Variants in C9 observed in about 807,000 individuals in gnomAD.
C9 encodes complement C9.
In C9, 63 loss-of-function variants were observed where a neutral mutation model predicts 65.4. That is an observed-to-expected ratio of 0.96 (90% CI 0.79 to 1.19). The LOEUF (loss-of-function observed/expected upper bound fraction) is 1.19, where lower values mean the gene tolerates loss of function less well. C9 is among the 50% of genes most tolerant of loss of function. C9 has a pLI of 0.00. For missense variants in C9, 744 were observed against 670.1 expected, an observed-to-expected ratio of 1.11 and a Z score of -1.22; for synonymous variants, 229 against 227.9, an observed-to-expected ratio of 1.00 and a Z score of -0.04.
chr5:39,351,070 C>CCAACACCA (rs1561354891), intron 1 of C9, among the ~76,000 whole-genome samples: 2 of 152,186 alleles, frequency 1.3e-5, no homozygotes, highest in Non-Finnish European at 2.9e-5. Context: ...TTCTGTGCAC[C>CCAACACCA]TGCAGGCCCA....
chr5:39,315,425 A>G (rs1410554254), intron 6 of C9, among the ~76,000 whole-genome samples: 1 of 152,200 alleles, frequency 6.6e-6, no homozygotes, highest in Non-Finnish European at 1.5e-5. Context: ...TGATCATTCT[A>G]GGTAAGGCAT....
At chr5:39,287,337 C>G (rs556964879) in intron 10 of C9, among the ~76,000 whole-genome samples, 97 of 151,878 alleles carry the variant, frequency 6.4e-4, no homozygotes, top group Middle Eastern at 6.8e-3. Context: ...ACATGTAAGT[C>G]TTTAATCTAT....
At chr5:39,321,035 C>T (rs1176349087) in intron 5 of C9, among the ~76,000 whole-genome samples, 2 of 151,946 alleles carry the variant, frequency 1.3e-5, no homozygotes, top group Non-Finnish European at 2.9e-5. Flanking sequence ...AAAGGGAGTT[C>T]TTCAAGTTGA....
rs953818172 is a variant in C9 at position 39,334,771 on chromosome 5, G to A, written c.477-2957C>T. Among the ~76,000 whole-genome samples, 6 of 152,038 alleles carry A rather than the reference G, an allele frequency of 3.9e-5. No homozygotes were observed. The South Asian group carries it at 1.0e-3, about 26-fold the overall frequency. The stretch of plus-strand genomic sequence containing the variant: ...GCCTCTGCCCGGCCGCCCCTACTGG[G>A]AAGTGAGGAGCCCCTCTGCCCGGCC... On this transcript the variant is annotated intron_variant, in intron 4 of 10. Coordinates refer to ENST00000263408, the MANE Select transcript of C9 (RefSeq NM_001737.5).
chr5:39,293,228 G>A (rs1275291384), intron 9 of C9, among the ~76,000 whole-genome samples: 2 of 151,958 alleles, frequency 1.3e-5, no homozygotes, highest in African/African-American at 4.8e-5. Context: ...AACCTTGAAG[G>A]TAAATACATT....
intron 6 of C9, among the ~76,000 whole-genome samples, chr5:39,315,151 G>A (rs545905140): frequency 6.6e-6 from 1 of 152,224 alleles, no homozygotes; most frequent in East Asian, 1.9e-4. Context: ...GTTAATGTGG[G>A]AGAAGCTTGT....
intron 1 of C9, among the ~76,000 whole-genome samples, chr5:39,348,058 A>T (rs1488740681): frequency 5.9e-5 from 9 of 152,026 alleles, no homozygotes; most frequent in Admixed American, 5.9e-4. Flanking sequence ...ACCTAAAACC[A>T]TAAAAACCTT....
chr5:39,296,093 G>A (rs1009482293), intron 9 of C9, among the ~76,000 whole-genome samples: 11 of 151,506 alleles, frequency 7.3e-5, no homozygotes, highest in Non-Finnish European at 1.3e-4. Context: ...AAAACATAAG[G>A]GAAATGCTTC....
chr5:39,308,389 G>A (rs752521035), intron 7 of C9, 31 bp from the exon 8 acceptor site: 1 of 1,517,148 alleles, frequency 6.6e-7, no homozygotes. Context: ...AAAATTATTA[G>A]ATAATGTCTA....
At chr5:39,287,996 AAAT>A (rs1753022419) in intron 10 of C9, among the ~76,000 whole-genome samples, 1 of 151,996 alleles carries the variant, frequency 6.6e-6, no homozygotes, top group Non-Finnish European at 1.5e-5. Context: ...TTTTAATGTA[AAAT>A]AATGTTTCCT....
chr5:39,310,930 G>T (rs1029614628), intron 7 of C9, among the ~76,000 whole-genome samples: 1 of 152,186 alleles, frequency 6.6e-6, no homozygotes, highest in Non-Finnish European at 1.5e-5. Context: ...GTTGAGTAGA[G>T]TATGACCAAG....
chr5:39,341,556 C>A lies in C9; in HGVS notation c.328G>T (p.Gly110Cys). Residue 110 changes from glycine to cysteine, a missense_variant and splice_region_variant, in exon 3 of 11, where the codon GGC (glycine) becomes TGC (cysteine). By Grantham distance (159) the Gly-to-Cys change is radical. Transcript: ENST00000263408. ...TGAGCAATTCAAGCACAAAGATTAC[C>A]TGTACTGCATTGAAAGTCATTTCCG... is the stretch of plus-strand genomic sequence containing the variant. The part of the protein sequence containing the change: ...DCGNDFQCST[G>C]RCIKMRLRCN... 1 of 1,613,908 alleles carries A rather than the reference C, an allele frequency of 6.2e-7. No individual in the cohort carries two copies. Among genetic ancestry groups the A allele is most frequent in the Non-Finnish European group, 8.5e-7 (1 of 1,179,806 alleles).
rs552601730 is a variant in C9, at chr5:39,317,799, T to C, written c.616-1770A>G. On this transcript the variant is annotated intron_variant, in intron 5 of 10. Coordinates refer to ENST00000263408, the MANE Select transcript of C9 (RefSeq NM_001737.5). ...TGTGACACCTCCAGCTCTGTTCTTT[T>C]TGCTTAGAATTATCTTGGCTATATA... Among the ~76,000 whole-genome samples the C allele has an allele frequency of 6.6e-5, 10 of 152,336 alleles. No homozygotes were observed. In the South Asian group the frequency reaches 1.7e-3, roughly 25 times the overall value.
Position 39,332,747 on chromosome 5 carries a change from T to G in C9, c.477-933A>C, listed in dbSNP as rs1031660625. Among the ~76,000 whole-genome samples the G allele has an allele frequency of 2.4e-4, 37 of 152,348 alleles. 1 individual carries two copies. Among genetic ancestry groups the G allele is most frequent in the African/African-American group, 8.7e-4 (36 of 41,590 alleles). ...ACATTCCTAACTCCAATGAACTGGA[T>G]TACAAATCTGGATGTTGGTTTTAAG... On this transcript the variant is annotated intron_variant, in intron 4 of 10. Coordinates refer to ENST00000263408, the MANE Select transcript of C9 (RefSeq NM_001737.5).
chr5:39,324,767 G>A (rs530692165), intron 5 of C9, among the ~76,000 whole-genome samples: 1 of 152,280 alleles, frequency 6.6e-6, no homozygotes, highest in African/African-American at 2.4e-5. Flanking sequence ...AAAAGCAAAA[G>A]TCTTGGACGA....
At chr5:39,303,813 G>T (rs1449585730) in intron 9 of C9, among the ~76,000 whole-genome samples, 1 of 151,970 alleles carries the variant, frequency 6.6e-6, no homozygotes, top group African/African-American at 2.4e-5. Flanking sequence ...AGATAGTCAT[G>T]CTAGACAAAT....
chr5:39,348,310 A>T (rs1754248385), intron 1 of C9, among the ~76,000 whole-genome samples: 1 of 152,220 alleles, frequency 6.6e-6, no homozygotes, highest in Non-Finnish European at 1.5e-5. Context: ...CAAAGAACTC[A>T]AATAAATTTA....
At chr5:39,333,923 G>T (rs192758089) in intron 4 of C9, among the ~76,000 whole-genome samples, 92 of 152,304 alleles carry the variant, frequency 6.0e-4, no homozygotes, top group African/African-American at 2.2e-3. Flanking sequence ...GCTCAATGGT[G>T]CCCAGGCTGG....
At chr5:39,321,338 T>A (rs1753664419) in intron 5 of C9, among the ~76,000 whole-genome samples, 1 of 152,140 alleles carries the variant, frequency 6.6e-6, no homozygotes, top group Non-Finnish European at 1.5e-5. Flanking sequence ...GCTAACAGTT[T>A]AAAATAGCCT....
Sources: allele counts gnomAD v4.1 joint callset (sites outside exome capture counted in the v4.1 genomes callset), GRCh38; gene constraint gnomAD v4.1.1; transcripts MANE v1.5; gene names NCBI Gene and HGNC (gene_info 2026-07-23, HGNC 2026-07-21).